FRK: variants seen among roughly 807,000 people sequenced by gnomAD.
FRK encodes the protein fyn related Src family tyrosine kinase, also known as tyrosine-protein kinase FRK.
FRK carries 51 observed loss-of-function variants against 56.4 expected under a neutral mutation model. That is an observed-to-expected ratio of 0.90 (90% CI 0.72 to 1.14). The LOEUF (loss-of-function observed/expected upper bound fraction) is 1.14, where lower values mean the gene tolerates loss of function less well. Among genes scored for constraint, FRK ranks in the 50% most tolerant of loss-of-function variants. FRK has a pLI of 0.00. For missense variants in FRK, 570 were observed against 601.4 expected (o/e 0.95, Z 0.55); for synonymous variants, 245 against 217.9 (o/e 1.12, Z -1.10).
chr6:115,968,584 A>T lies in FRK; in HGVS notation c.622T>A (p.Cys208Ser). 1 of 1,611,026 alleles carries T rather than the reference A, an allele frequency of 6.2e-7. No individual in the cohort carries two copies. Among genetic ancestry groups the T allele is most frequent in the Non-Finnish European group, 8.5e-7 (1 of 1,179,042 alleles). The change falls in exon 3 of 8, where the codon TGC (cysteine) becomes AGC (serine). Residue 208 changes from cysteine to serine, a missense_variant. Physicochemically the swap from Cys to Ser is moderately radical, Grantham distance 112. Transcript: ENST00000606080. ...CTTGAAAGCATTTTCACCTTTAAGCATGGTTTCCCCAGCTTGACACACAGG... is the reference window on the plus strand; with the variant it reads ...CTTGAAAGCATTTTCACCTTTAAGCTTGGTTTCCCCAGCTTGACACACAGG... The part of the protein sequence containing the change: ...DGLCVKLGKP[C>S]LKIQVPAPFD...
chr6:116,097,418 A>G, the FRK span, among the ~76,000 whole-genome samples: 31 of 152,224 alleles, frequency 2.0e-4, no homozygotes, highest in African/African-American at 7.5e-4. Flanking sequence ...TATTTAGAAA[A>G]GCATATTTTA....
At chr6:115,994,337 C>CT in intron 2 of FRK, among the ~76,000 whole-genome samples, 1 of 94,886 alleles carries the variant, frequency 1.1e-5, no homozygotes, top group Non-Finnish European at 2.4e-5. Flanking sequence ...CCCCCCCCCG[C>CT]CTTTTTTTTG....
chr6:115,982,379 A>G (rs1019609406), intron 2 of FRK, among the ~76,000 whole-genome samples: 2 of 152,106 alleles, frequency 1.3e-5, no homozygotes, highest in African/African-American at 4.8e-5. Context: ...CTCAGCCTCC[A>G]CAATTTTGTG....
chr6:115,968,286 C>G (rs1287870037), intron 3 of FRK, among the ~76,000 whole-genome samples: 1 of 152,136 alleles, frequency 6.6e-6, no homozygotes, highest in African/African-American at 2.4e-5. Context: ...AACTCATATT[C>G]TAGTTTACCA....
intron 2 of FRK, chr6:116,002,542 G>A (rs1192515360): frequency 2.1e-5 from 7 of 336,436 alleles, no homozygotes; most frequent in South Asian, 4.3e-5. Flanking sequence ...GCTTAAACCC[G>A]GGAGGCGGAA....
intron 2 of FRK, among the ~76,000 whole-genome samples, chr6:115,971,860 C>T (rs1773817580): frequency 6.6e-6 from 1 of 152,142 alleles, no homozygotes; most frequent in South Asian, 2.1e-4. Context: ...TATAGCTGCT[C>T]CTCCACTTTT....
chr6:115,989,706 C>A lies in FRK; in HGVS notation c.466+14171G>T, dbSNP rs1270436364. 4.0e-5 allele frequency among the ~76,000 whole-genome samples: 6 copies of A among 151,884 alleles called. No homozygotes were observed. In the South Asian group the frequency reaches 1.2e-3, roughly 31 times the overall value. On this transcript the variant is annotated intron_variant, in intron 2 of 7. Transcript: ENST00000606080. The stretch of plus-strand genomic sequence containing the variant: ...CCATTGATTGACACTTATGTTGATA[C>A]CACATGACCTTGCTATTGTGCATAC...
At chr6:116,069,019 G>A in the FRK span, among the ~76,000 whole-genome samples, 1 of 152,148 alleles carries the variant, frequency 6.6e-6, no homozygotes, top group African/African-American at 2.4e-5. Context: ...CAATCTCCCA[G>A]AAGCAGCTGA....
At chr6:115,956,065 C>CA (rs775447241) in intron 5 of FRK, among the ~76,000 whole-genome samples, 6 of 152,082 alleles carry the variant, frequency 3.9e-5, no homozygotes, top group African/African-American at 9.7e-5. Flanking sequence ...CCTTTTTCCC[C>CA]AAATGTATTC....
chr6:115,953,428 A>T (rs958513000), intron 5 of FRK, among the ~76,000 whole-genome samples: 3 of 151,804 alleles, frequency 2.0e-5, no homozygotes, highest in Admixed American at 6.6e-5. Flanking sequence ...TGACCTCGTG[A>T]TCCGCCCGCC....
chr6:116,077,914 C>A, the FRK span, among the ~76,000 whole-genome samples: 2 of 152,192 alleles, frequency 1.3e-5, no homozygotes, highest in East Asian at 3.8e-4. Flanking sequence ...AATCCCAGCA[C>A]TTTGGGAGGC....
At chr6:116,059,338 C>G (rs1053694857) in intron 1 of FRK, among the ~76,000 whole-genome samples, 4 of 152,022 alleles carry the variant, frequency 2.6e-5, no homozygotes, top group Non-Finnish European at 2.9e-5. Flanking sequence ...TGTAGCTGGC[C>G]AGTTTCTAAT....
intron 1 of FRK, among the ~76,000 whole-genome samples, chr6:116,056,616 T>G (rs1777409473): frequency 6.6e-6 from 1 of 152,258 alleles, no homozygotes; most frequent in African/African-American, 2.4e-5. Flanking sequence ...CTTTTGGTTC[T>G]AATATTTATA....
At chr6:116,021,880 A>G (rs985540688) in intron 1 of FRK, among the ~76,000 whole-genome samples, 2 of 152,114 alleles carry the variant, frequency 1.3e-5, no homozygotes, top group African/African-American at 4.8e-5. Flanking sequence ...AAGAATGCAC[A>G]AAGACAAAAA....
At position 115,939,908 on chromosome 6, in the gene FRK, G is replaced by A. The variant is rs1306881090; in HGVS notation, c.*2506C>T. On this transcript the variant is annotated 3_prime_UTR_variant, in exon 8 of 8. Coordinates refer to ENST00000606080, the MANE Select transcript of FRK (RefSeq NM_002031.3). Reference sequence around the variant, plus strand: ...TCGTGAAAATGGCCATATTGCCCAAGGCAATTTATATATTCAGTGCTATCC... The same window carrying A: ...TCGTGAAAATGGCCATATTGCCCAAAGCAATTTATATATTCAGTGCTATCC... 6.6e-6 allele frequency: 1 copy of A among 152,132 alleles called. No individual in the cohort carries two copies. The highest frequency in any genetic ancestry group is 2.4e-5 in the African/African-American group (1 of 41,422). The allele number at this position is 152,132 out of a possible 1,614,324, so 9.4% of individuals were successfully genotyped here. A position where few individuals can be genotyped will look rare whatever the true frequency, so the allele number is the denominator to read the frequency against.
At chr6:115,967,015 A>T (rs1447369814) in intron 4 of FRK, among the ~76,000 whole-genome samples, 1 of 152,198 alleles carries the variant, frequency 6.6e-6, no homozygotes, top group Non-Finnish European at 1.5e-5. Flanking sequence ...AATGGAGGGA[A>T]TAAAGCCTGG....
At chr6:115,989,023 T>C (rs1189499257) in intron 2 of FRK, among the ~76,000 whole-genome samples, 2 of 151,564 alleles carry the variant, frequency 1.3e-5, no homozygotes, top group Admixed American at 6.6e-5. Flanking sequence ...TTTGAGATCA[T>C]TTTTTTTCAA....
intron 2 of FRK, among the ~76,000 whole-genome samples, chr6:115,969,204 C>G (rs1031151308): frequency 6.6e-6 from 1 of 152,120 alleles, no homozygotes; most frequent in African/African-American, 2.4e-5. Context: ...TGGAAATAAA[C>G]AGTGTGCTCA....
At chr6:116,041,652 A>G (rs980102641) in intron 1 of FRK, among the ~76,000 whole-genome samples, 1 of 151,776 alleles carries the variant, frequency 6.6e-6, no homozygotes, top group African/African-American at 2.4e-5. Context: ...GGGTCAGGGA[A>G]CTCCTTACCC....
Sources: allele counts gnomAD v4.1 joint callset (sites outside exome capture counted in the v4.1 genomes callset), GRCh38; gene constraint gnomAD v4.1.1; transcripts MANE v1.5; gene names NCBI Gene and HGNC (gene_info 2026-07-23, HGNC 2026-07-21).